MYO19: variants seen among roughly 807,000 people sequenced by gnomAD.
MYO19 encodes the protein myosin XIX.
Under a neutral mutation model 129.2 loss-of-function variants are expected in MYO19, and 132 were observed. That is an observed-to-expected ratio of 1.02 (90% CI 0.89 to 1.18). The LOEUF (loss-of-function observed/expected upper bound fraction) is 1.18, where lower values mean the gene tolerates loss of function less well. Among genes scored for constraint, MYO19 ranks in the 50% most tolerant of loss-of-function variants. MYO19 has a pLI of 0.00. For synonymous variants in MYO19, 531 were observed against 477.2 expected, an observed-to-expected ratio of 1.11 and a Z score of -1.47; for missense variants, 1,210 against 1,216.7, an observed-to-expected ratio of 0.99 and a Z score of 0.08.
At position 36,498,360 on chromosome 17, in the gene MYO19, G is replaced by A; in HGVS notation, c.2663C>T (p.Ala888Val). Reference protein sequence around the residue: ...GSFQRKLVVWACLQLPRGSPS... With the variant: ...GSFQRKLVVWVCLQLPRGSPS... Reference sequence around the variant, plus strand: ...GCTGCCCCTGGGGAGCTGGAGGCAAGCCCAGACCACTAATTTCCTCTGAAA... The same window carrying A: ...GCTGCCCCTGGGGAGCTGGAGGCAAACCCAGACCACTAATTTCCTCTGAAA... The change falls in exon 25 of 26, where the codon GCT becomes GTT. Residue 888 changes from alanine to valine, a missense_variant. Ala to Val is a moderately conservative substitution (Grantham distance 64). Transcript: ENST00000614623. 1 of 1,614,002 alleles carries A rather than the reference G, an allele frequency of 6.2e-7. No homozygotes were observed. Among genetic ancestry groups the A allele is most frequent in the Non-Finnish European group, 8.5e-7 (1 of 1,179,900 alleles).
At chr17:36,513,818 T>C (rs2072542382) in intron 9 of MYO19, 93 bp from the exon 10 acceptor site, 1 of 1,094,278 alleles carries the variant, frequency 9.1e-7, no homozygotes, top group African/African-American at 1.6e-5. Flanking sequence ...AGAGGAGAGT[T>C]GGTAGCAACA....
chr17:36,538,683 T>C (rs1172507301), upstream of MYO19: 4 of 1,339,784 alleles, frequency 3.0e-6, no homozygotes, highest in East Asian at 7.0e-5. Context: ...GTAAAGAAAT[T>C]GTGCTTTTGG....
intron 20 of MYO19, among the ~76,000 whole-genome samples, 191 bp from the exon 21 acceptor site, chr17:36,503,391 TAA>T (rs1352434565): frequency 6.6e-6 from 1 of 152,216 alleles, no homozygotes; most frequent in African/African-American, 2.4e-5. Context: ...TGGAAACCCA[TAA>T]AGACTATTTA....
At chr17:36,535,370 G>A (rs967931439), upstream of MYO19, 2 of 152,352 alleles carry the variant, frequency 1.3e-5, no homozygotes, top group African/African-American at 2.4e-5. Context: ...CCAGCCCAAA[G>A]GACATGACAG....
rs1035079490 is a variant in MYO19 at position 36,533,970 on chromosome 17, A to C, written c.-161T>G. On this transcript the variant is annotated 5_prime_UTR_variant, in exon 2 of 26. Transcript: ENST00000614623. Reference sequence around the variant, plus strand: ...GCTAATACCTGTGAAAGCGCTCTGCAAATGTTATTACGATGCAGCATCAGC... The same window carrying C: ...GCTAATACCTGTGAAAGCGCTCTGCCAATGTTATTACGATGCAGCATCAGC... The C allele has an allele frequency of 6.6e-6, 1 of 152,288 alleles. No homozygotes were observed. Among genetic ancestry groups the C allele is most frequent in the African/African-American group, 2.4e-5 (1 of 41,470 alleles). The allele number at this position is 152,288 out of a possible 1,614,324, so 9.4% of individuals were successfully genotyped here. A position where few individuals can be genotyped will look rare whatever the true frequency, so the allele number is the denominator to read the frequency against.
intron 6 of MYO19, among the ~76,000 whole-genome samples, chr17:36,524,429 A>G (rs2073337823): frequency 6.6e-6 from 1 of 152,220 alleles, no homozygotes; most frequent in Non-Finnish European, 1.5e-5. Flanking sequence ...TCATGAAGGT[A>G]AAAGTGTTGT....
chr17:36,506,721 G>T, intron 17 of MYO19, 113 bp from the exon 18 acceptor site: 1 of 1,314,774 alleles, frequency 7.6e-7, no homozygotes, highest in Non-Finnish European at 1.0e-6. Flanking sequence ...CAGGGCCTGA[G>T]TCCAAGAGAA....
chr17:36,515,725 G>C (rs2072699372), intron 7 of MYO19, 133 bp downstream of exon 7: 3 of 911,494 alleles, frequency 3.3e-6, no homozygotes, highest in South Asian at 1.8e-5. Flanking sequence ...TTGGGGATCT[G>C]AGGCAGTGAA....
upstream of MYO19, chr17:36,539,140 T>G (rs969091163): frequency 2.4e-5 from 4 of 167,130 alleles, no homozygotes; most frequent in Non-Finnish European, 5.9e-5. Flanking sequence ...AAGTAGTATT[T>G]TAAAGAAACT....
chr17:36,498,233 A>G lies in MYO19; in HGVS notation c.2757+33T>C, dbSNP rs751416934. On this transcript the variant is annotated intron_variant, in intron 25 of 25. Transcript: ENST00000614623. ...GGCTTTGCTCCTGCTGTTCTCAGGAACAAAGCTGTCATGGCCATCACACAC... is the reference window on the plus strand; with the variant it reads ...GGCTTTGCTCCTGCTGTTCTCAGGAGCAAAGCTGTCATGGCCATCACACAC... 7 of 1,589,208 alleles carry G rather than the reference A, an allele frequency of 4.4e-6. No homozygotes were observed. In the South Asian group the frequency reaches 7.8e-5, roughly 18 times the overall value.
At chr17:36,512,915 TG>T in intron 11 of MYO19, 1 of 949,724 alleles carries the variant, frequency 1.1e-6, no homozygotes, top group Non-Finnish European at 1.4e-6. Context: ...GGGCACGGGT[TG>T]GGGGAAGACA....
At chr17:36,539,889 AT>A (rs142199109), upstream of MYO19, among the ~76,000 whole-genome samples, 512 of 143,216 alleles carry the variant, frequency 3.6e-3, no homozygotes, top group Middle Eastern at 3.7e-3. Flanking sequence ...TTCCCCACAG[AT>A]TTTTTTTTTT....
rs757457034 is a variant in MYO19 at position 36,510,891 on chromosome 17, G to A, written c.1012C>T (p.Leu338=). ...KYSVRTAASL[L]GLPEDVLLEM... Reference sequence around the variant, plus strand: ...AGCAGCACGTCCTCTGGGAGCCCCAGCAGCGAGGCTGCCGTCCTGACAGAG... The same window carrying A: ...AGCAGCACGTCCTCTGGGAGCCCCAACAGCGAGGCTGCCGTCCTGACAGAG... Residue 338 remains leucine (L), a synonymous_variant, in exon 13 of 26, where the codon CTG becomes TTG. Coordinates refer to ENST00000614623, the MANE Select transcript of MYO19 (RefSeq NM_001163735.2). The A allele has an allele frequency of 3.8e-6, 6 of 1,581,150 alleles. No homozygotes were observed. The highest frequency in any genetic ancestry group is 1.8e-5 in the Admixed American group (1 of 55,436).
At chr17:36,542,918 G>A (rs2074204372) in intron 1 of MYO19, among the ~76,000 whole-genome samples, 2 of 151,640 alleles carry the variant, frequency 1.3e-5, no homozygotes, top group Admixed American at 1.3e-4. Context: ...TTTTCTCCAT[G>A]TTGCCCAGGC....
intron 3 of MYO19, among the ~76,000 whole-genome samples, chr17:36,530,137 C>T (rs1479057392): frequency 6.6e-6 from 1 of 151,014 alleles, no homozygotes; most frequent in African/African-American, 2.4e-5. Flanking sequence ...CAAGGTGACC[C>T]TGTCTCTATA....
rs531531506 is a variant in MYO19, at chr17:36,527,602, C to A, written c.249G>T (p.Gln83His). ...CTCTCATTAGCTCGGGCGAGTAGAGCTGAGGAACAGGCTTGAAGGGGTTCA... is the reference window on the plus strand; with the variant it reads ...CTCTCATTAGCTCGGGCGAGTAGAGATGAGGAACAGGCTTGAAGGGGTTCA... ...VALNPFKPVP[Q>H]LYSPELMREY... Residue 83 changes from glutamine (Q) to histidine (H), a missense_variant, in exon 5 of 26, where the codon CAG becomes CAT. Physicochemically the swap from Gln to His is conservative, Grantham distance 24. Coordinates refer to ENST00000614623, the MANE Select transcript of MYO19 (RefSeq NM_001163735.2). The A allele has an allele frequency of 6.2e-7, 1 of 1,613,990 alleles. No individual in the cohort carries two copies. Among genetic ancestry groups the A allele is most frequent in the African/African-American group, 1.3e-5 (1 of 75,046 alleles).
In MYO19 at chr17:36,515,198, A is replaced by G. The variant is rs2142100283; in HGVS notation, c.548-16T>C. On this transcript the variant is annotated splice_polypyrimidine_tract_variant and intron_variant, in intron 7 of 25. Coordinates refer to ENST00000614623, the MANE Select transcript of MYO19 (RefSeq NM_001163735.2). ...CACGCATTCCCTACAGATCACACCT[A>G]TGTTTATTTCACTCCCCTGGGTTTG... 1 of 1,609,520 alleles carries G rather than the reference A, an allele frequency of 6.2e-7. No homozygotes were observed. The highest frequency in any genetic ancestry group is 8.5e-7 in the Non-Finnish European group (1 of 1,177,566).
In MYO19 at chr17:36,500,817, C is replaced by G. The variant is rs374562078; in HGVS notation, c.2377+13G>C. The G allele has an allele frequency of 6.6e-5, 106 of 1,595,904 alleles. No individual in the cohort carries two copies. Among genetic ancestry groups the G allele is most frequent in the Non-Finnish European group, 7.5e-5 (88 of 1,175,842 alleles). On this transcript the variant is annotated intron_variant, in intron 23 of 25. Transcript: ENST00000614623. ...GTCTGTGAGCAGTGCTGACAGGTGACCTGCCCACCTACCTGCCTGGATGAG... is the reference window on the plus strand; with the variant it reads ...GTCTGTGAGCAGTGCTGACAGGTGAGCTGCCCACCTACCTGCCTGGATGAG...
intron 2 of MYO19, chr17:36,533,533 C>T (rs1384861117): frequency 6.6e-6 from 1 of 152,146 alleles, no homozygotes; most frequent in Non-Finnish European, 1.5e-5. Context: ...AATGGATTAA[C>T]CCTGGTGGAG....
Sources: allele counts gnomAD v4.1 joint callset (sites outside exome capture counted in the v4.1 genomes callset), GRCh38; gene constraint gnomAD v4.1.1; transcripts MANE v1.5; gene names NCBI Gene and HGNC (gene_info 2026-07-23, HGNC 2026-07-21).